The following TRDN variants were observed in gnomAD, a reference collection of about 807,000 sequenced individuals.
TRDN encodes triadin, also known as triadin in skeletal muscle.
Under a neutral mutation model 149.7 loss-of-function variants are expected in TRDN, and 161 were observed. The observed-to-expected ratio is 1.08, with a 90% CI of 0.95 to 1.23. The LOEUF is 1.23. Ranked by LOEUF, TRDN falls within the 50% of genes most tolerant of loss-of-function variation. TRDN has a pLI of 0.00. For missense variants in TRDN, 896 were observed against 823.5 expected (o/e 1.09, Z -1.08); for synonymous variants, 294 against 250.5 (o/e 1.17, Z -1.64).
At chr6:123,386,321 A>T (rs997471638) in intron 14 of TRDN, among the ~76,000 whole-genome samples, 17 of 152,178 alleles carry the variant, frequency 1.1e-4, no homozygotes, top group African/African-American at 3.9e-4. Flanking sequence ...ATGTTCATAG[A>T]AGGAAAAAGG....
chr6:123,345,869 A>G (rs1306634931), intron 21 of TRDN, among the ~76,000 whole-genome samples: 1 of 152,052 alleles, frequency 6.6e-6, no homozygotes, highest in Non-Finnish European at 1.5e-5. Context: ...GATATAACAG[A>G]GTAACTGACT....
At chr6:123,598,641 A>C (rs575979416) in intron 1 of TRDN, among the ~76,000 whole-genome samples, 60 of 152,210 alleles carry the variant, frequency 3.9e-4, no homozygotes, top group Non-Finnish European at 8.2e-4. Flanking sequence ...TTATTGGAAC[A>C]TAGCCACACC....
chr6:123,332,969 A>AT (rs1041549908), intron 22 of TRDN, among the ~76,000 whole-genome samples: 4 of 151,880 alleles, frequency 2.6e-5, no homozygotes, highest in East Asian at 1.9e-4. Flanking sequence ...AGCATGTAGA[A>AT]TTTTTTTTAA....
At chr6:123,557,875 C>T (rs940914542) in intron 2 of TRDN, among the ~76,000 whole-genome samples, 3 of 151,338 alleles carry the variant, frequency 2.0e-5, no homozygotes, top group Admixed American at 6.6e-5. Flanking sequence ...CTATGGACAA[C>T]CTTCCACCCT....
At chr6:123,389,302 C>T (rs1782021154) in intron 13 of TRDN, 2 of 152,128 alleles carry the variant, frequency 1.3e-5, no homozygotes, top group African/African-American at 4.8e-5. Context: ...CAAAATCATT[C>T]AGGGGTATCT....
At chr6:123,274,605 C>G in intron 27 of TRDN, 36 bp downstream of exon 27, 6 of 1,573,066 alleles carry the variant, frequency 3.8e-6, no homozygotes, top group Non-Finnish European at 5.2e-6. Flanking sequence ...AAGATAATGT[C>G]AACTCTGAAT....
chr6:123,582,832 C>T (rs908173087), intron 1 of TRDN, among the ~76,000 whole-genome samples: 9 of 138,426 alleles, frequency 6.5e-5, no homozygotes, highest in South Asian at 5.0e-4. Flanking sequence ...AGATAATGGG[C>T]GATGTTTCTC....
chr6:123,597,505 TCTC>T, intron 1 of TRDN, among the ~76,000 whole-genome samples: 1 of 152,186 alleles, frequency 6.6e-6, no homozygotes, highest in South Asian at 2.1e-4. Flanking sequence ...TGAAAGAAGT[TCTC>T]CTGTGAGTAA....
At chr6:123,595,037 A>G (rs1783967079) in intron 1 of TRDN, among the ~76,000 whole-genome samples, 1 of 152,014 alleles carries the variant, frequency 6.6e-6, no homozygotes, top group African/African-American at 2.4e-5. Context: ...TACAGAAAAT[A>G]ATGAACATTT....
chr6:123,352,469 C>T (rs1237514738), intron 21 of TRDN, 70 bp downstream of exon 21: 3 of 1,590,126 alleles, frequency 1.9e-6, no homozygotes, highest in East Asian at 4.5e-5. Context: ...CTGTCTGAAT[C>T]CAGTGCTTTC....
rs77049316 is a variant in TRDN, at chr6:123,218,381, G to A, written c.*220C>T. 7.4e-3 allele frequency: 3,306 copies of A among 446,566 alleles called. 99 individuals are homozygous for A. The highest frequency in any genetic ancestry group is 0.06 in the African/African-American group (2,992 of 50,048). 27.7% of individuals were successfully genotyped at this position (446,566 alleles called of 1,614,324 possible). ...ATAAATACAAGCACCCCCTCCCACC[G>A]CAGCAAACACACATAACAGATTCTT... On this transcript the variant is annotated 3_prime_UTR_variant, in exon 41 of 41. Coordinates refer to ENST00000334268, the MANE Select transcript of TRDN (RefSeq NM_006073.4).
chr6:123,218,857 G>A (rs1158180042), intron 40 of TRDN, 117 bp from the exon 41 acceptor site: 1 of 1,091,866 alleles, frequency 9.2e-7, no homozygotes, highest in Non-Finnish European at 1.3e-6. Flanking sequence ...CTCCGTAGCT[G>A]TTGGCAAGTT....
chr6:123,591,830 T>TG (rs1783799374), intron 1 of TRDN, among the ~76,000 whole-genome samples: 1 of 152,158 alleles, frequency 6.6e-6, no homozygotes, highest in African/African-American at 2.4e-5. Context: ...AAGGTATTCA[T>TG]GCCCATATTT....
At chr6:123,327,772 C>T (rs1297411214) in intron 23 of TRDN, among the ~76,000 whole-genome samples, 2 of 152,078 alleles carry the variant, frequency 1.3e-5, no homozygotes, top group Non-Finnish European at 2.9e-5. Context: ...GGCTTTTCTG[C>T]AAATACAACT....
intron 10 of TRDN, chr6:123,456,932 C>A: frequency 2.3e-6 from 1 of 442,736 alleles, no homozygotes; most frequent in South Asian, 1.6e-5. Flanking sequence ...CAGACCAGAT[C>A]GCAAACAAAT....
chr6:123,594,894 G>A (rs141596770), intron 1 of TRDN, among the ~76,000 whole-genome samples: 92 of 151,520 alleles, frequency 6.1e-4, no homozygotes, highest in African/African-American at 2.1e-3. Flanking sequence ...TAGCAAGAAG[G>A]CCTGATATTT....
At chr6:123,505,493 G>A (rs1244423136) in intron 7 of TRDN, among the ~76,000 whole-genome samples, 2 of 152,038 alleles carry the variant, frequency 1.3e-5, no homozygotes, top group African/African-American at 2.4e-5. Context: ...GATATTTACA[G>A]GAAGATGTTG....
In TRDN at chr6:123,273,107, C is replaced by A. The variant is rs1048437541; in HGVS notation, c.1625-96G>T. 48 of 819,220 alleles carry A rather than the reference C, an allele frequency of 5.9e-5. No homozygotes were observed. The African/African-American group carries it at 7.1e-4, about 12-fold the overall frequency. 50.7% of individuals were successfully genotyped at this position (819,220 alleles called of 1,614,324 possible). On this transcript the variant is annotated intron_variant, in intron 28 of 40. Transcript: ENST00000334268. Reference sequence around the variant, plus strand: ...AATGTGCCCATAGAGAAAAAATATTCTGAAATCTTCATATCATCCTTGTTT... The same window carrying A: ...AATGTGCCCATAGAGAAAAAATATTATGAAATCTTCATATCATCCTTGTTT...
intron 19 of TRDN, among the ~76,000 whole-genome samples, chr6:123,373,442 G>A (rs572681684): frequency 6.6e-6 from 1 of 152,266 alleles, no homozygotes; most frequent in South Asian, 2.1e-4. Context: ...TGTGGGATAT[G>A]TCTTTATCAG....
Sources: gnomAD v4.1 joint callset for allele counts (sites outside exome capture counted in the v4.1 genomes callset) on GRCh38, gnomAD v4.1.1 for gene constraint, MANE v1.5 for transcripts, NCBI Gene and HGNC (gene_info 2026-07-23, HGNC 2026-07-21) for gene names.